HELLS: variants seen among roughly 807,000 people sequenced by gnomAD.
The protein encoded by HELLS is helicase, lymphoid specific, also known as lymphoid-specific helicase.
In HELLS, 32 loss-of-function variants were observed where a neutral mutation model predicts 120.0. The observed-to-expected ratio is 0.27, with a 90% CI of 0.20 to 0.36. HELLS has a LOEUF of 0.36. Among genes scored for constraint, HELLS ranks in the 10% least tolerant of loss-of-function variants. The pLI is 1.00. For missense variants in HELLS, 650 were observed against 993.4 expected, an observed-to-expected ratio of 0.65 and a Z score of 4.65; for synonymous variants, 341 against 323.4, an observed-to-expected ratio of 1.05 and a Z score of -0.58.
At chr10:94,592,096 A>G in intron 15 of HELLS, 133 bp from the exon 16 acceptor site, 1 of 594,822 alleles carries the variant, frequency 1.7e-6, no homozygotes, top group Admixed American at 3.3e-5. Flanking sequence ...TTTTACAAAG[A>G]TTGAATAACA....
intron 4 of HELLS, among the ~76,000 whole-genome samples, chr10:94,562,487 C>T (rs542988963): frequency 3.4e-4 from 51 of 152,042 alleles, no homozygotes; most frequent in African/African-American, 9.9e-4. Context: ...GAAGTAGAGC[C>T]CTTGGGAAAA....
chr10:94,607,980 C>A, exon 9 of HELLS: 1 of 403,498 alleles, frequency 2.5e-6, no homozygotes, highest in South Asian at 1.8e-5. Context: ...CCACCTCGGC[C>A]TCCCAAAGTG....
chr10:94,549,048 A>T (rs1339278342), intron 2 of HELLS, among the ~76,000 whole-genome samples: 1 of 151,930 alleles, frequency 6.6e-6, no homozygotes, highest in Non-Finnish European at 1.5e-5. Context: ...TAATTTGCTA[A>T]AACATTAGTG....
intron 20 of HELLS, 34 bp downstream of exon 20, chr10:94,596,990 A>G (rs908255051): frequency 2.7e-6 from 4 of 1,460,380 alleles, no homozygotes; most frequent in African/African-American, 1.4e-5. Flanking sequence ...TTTAATTTGT[A>G]GCTTTGAATT....
intron 10 of HELLS, among the ~76,000 whole-genome samples, chr10:94,578,848 C>T (rs1346249253): frequency 6.6e-6 from 1 of 152,156 alleles, no homozygotes; most frequent in Non-Finnish European, 1.5e-5. Flanking sequence ...CTTGGATGTG[C>T]AGTTCACAAT....
chr10:94,602,486 A>G (rs779407054), downstream of HELLS, among the ~76,000 whole-genome samples: 8 of 152,212 alleles, frequency 5.3e-5, no homozygotes, highest in Non-Finnish European at 1.0e-4. Flanking sequence ...GATATCAGAC[A>G]ATGAGGAAGA....
chr10:94,577,420 G>C (rs1844552895), intron 10 of HELLS: 1 of 159,936 alleles, frequency 6.3e-6, no homozygotes, highest in Non-Finnish European at 1.4e-5. Context: ...AGTCCCCTTA[G>C]GTTTATCTTG....
Position 94,598,680 on chromosome 10 carries a change from C to A in HELLS, c.2422+1569C>A, listed in dbSNP as rs192839262. On this transcript the variant is annotated intron_variant, in intron 21 of 21. Transcript: ENST00000348459. ...CTACTCTGGCCTGTCTCTTCACTTA[C>A]TTACTTAGTATCTTCTGAAGAGCAA... 2.7e-4 allele frequency among the ~76,000 whole-genome samples: 40 copies of A among 148,106 alleles called. No homozygotes were observed. In the East Asian group the frequency reaches 7.8e-3, roughly 29 times the overall value.
chr10:94,582,304 G>A (rs1490238435), intron 11 of HELLS, among the ~76,000 whole-genome samples: 1 of 152,124 alleles, frequency 6.6e-6, no homozygotes, highest in African/African-American at 2.4e-5. Flanking sequence ...CAGGTCCTGT[G>A]CAGACATACT....
chr10:94,574,276 A>G (rs910503062), intron 8 of HELLS, 89 bp downstream of exon 8: 1 of 859,462 alleles, frequency 1.2e-6, no homozygotes, highest in East Asian at 2.5e-5. Context: ...AGTCATTTCT[A>G]TCATGTTTCA....
At chr10:94,574,879 A>G (rs558127723) in intron 9 of HELLS, 143 bp downstream of exon 9, 1 of 607,014 alleles carries the variant, frequency 1.6e-6, no homozygotes, top group East Asian at 2.8e-5. Flanking sequence ...CTCAATCTGC[A>G]CAATACCCTA....
At chr10:94,609,445 T>C (rs147717635) in intron 9 of HELLS, among the ~76,000 whole-genome samples, 7 of 152,330 alleles carry the variant, frequency 4.6e-5, no homozygotes, top group Non-Finnish European at 4.4e-5. Context: ...TAATTCTGCA[T>C]AGCAAAAACT....
intron 9 of HELLS, among the ~76,000 whole-genome samples, chr10:94,609,606 G>C (rs1441652946): frequency 6.6e-6 from 1 of 152,106 alleles, no homozygotes; most frequent in Non-Finnish European, 1.5e-5. Context: ...ATTTATTACT[G>C]TACTTGAGTT....
At chr10:94,583,677 A>G (rs1844984463) in intron 12 of HELLS, among the ~76,000 whole-genome samples, 1 of 152,184 alleles carries the variant, frequency 6.6e-6, no homozygotes, top group South Asian at 2.1e-4. Context: ...GTTGTGTTAT[A>G]TGACAATCCA....
At chr10:94,561,148 T>C (rs949494410) in intron 4 of HELLS, among the ~76,000 whole-genome samples, 1 of 152,038 alleles carries the variant, frequency 6.6e-6, no homozygotes, top group African/African-American at 2.4e-5. Context: ...CAGATTTTTA[T>C]TTTCATAGAG....
At chr10:94,591,147 T>C (rs545035448) in intron 15 of HELLS, among the ~76,000 whole-genome samples, 1 of 152,246 alleles carries the variant, frequency 6.6e-6, no homozygotes, top group Non-Finnish European at 1.5e-5. Context: ...ATGCAACTTA[T>C]ATTTTTATTT....
chr10:94,575,785 G>C (rs1056442805), intron 9 of HELLS, among the ~76,000 whole-genome samples: 1 of 147,272 alleles, frequency 6.8e-6, no homozygotes, highest in African/African-American at 2.5e-5. Flanking sequence ...GTGTGTGTGT[G>C]TGTGTGTGTG....
At chr10:94,562,215 C>T (rs1170356830) in intron 4 of HELLS, among the ~76,000 whole-genome samples, 1 of 151,784 alleles carries the variant, frequency 6.6e-6, no homozygotes, top group Non-Finnish European at 1.5e-5. Flanking sequence ...ACTAGCTGGC[C>T]AACGTGGTGA....
rs2134112396 is a variant in HELLS, at chr10:94,592,229, A to C, written c.1768A>C (p.Ile590Leu). The change falls in exon 16 of 22, where the codon ATC (isoleucine) becomes CTC (leucine). Residue 590 changes from isoleucine to leucine, a missense_variant and splice_region_variant. Ile to Leu is a conservative substitution (Grantham distance 5). Around this residue, in one of 9 missense-constraint regions of HELLS, gnomAD observed 191 missense variants for 259.7 expected, o/e 0.74. Coordinates refer to ENST00000348459, the MANE Select transcript of HELLS (RefSeq NM_018063.5). The part of the protein sequence containing the change: ...PIDPVTQEFK[I>L]DEELVTNSGK... ...TTTTCTTCCTTTGCCCCTCCTTAAG[A>C]TCGATGAAGAATTGGTAACAAATTC... 1.2e-6 allele frequency: 2 copies of C among 1,605,868 alleles called. No homozygotes were observed. Among genetic ancestry groups the C allele is most frequent in the Non-Finnish European group, 1.7e-6 (2 of 1,175,056 alleles).
Sources: allele counts gnomAD v4.1 joint callset (sites outside exome capture counted in the v4.1 genomes callset), GRCh38; gene constraint gnomAD v4.1.1; regional missense constraint gnomAD v4.1.1; transcripts MANE v1.5; gene names NCBI Gene and HGNC (gene_info 2026-07-23, HGNC 2026-07-21).